PTCHD4: variants seen among roughly 807,000 people sequenced by gnomAD.
PTCHD4 encodes patched domain containing 4.
In PTCHD4, 33 loss-of-function variants were observed where a neutral mutation model predicts 58.1. The observed-to-expected ratio is 0.57, with a 90% confidence interval of 0.43 to 0.76. The LOEUF is 0.76. PTCHD4 is among the 30% of genes least tolerant of loss of function. The pLI is 0.00. For missense variants in PTCHD4, 1,058 were observed against 1,027.1 expected (o/e 1.03, Z -0.41); for synonymous variants, 478 against 409.6 (o/e 1.17, Z -2.02).
chr6:47,890,045 A>ATGTG (rs372236322), intron 4 of PTCHD4, among the ~76,000 whole-genome samples: 1 of 150,028 alleles, frequency 6.7e-6, no homozygotes, highest in African/African-American at 2.4e-5. Context: ...ATATATATAT[A>ATGTG]TGTGTGTGTG....
intron 4 of PTCHD4, among the ~76,000 whole-genome samples, chr6:47,943,987 A>T (rs1766328603): frequency 1.3e-5 from 2 of 152,218 alleles, no homozygotes; most frequent in South Asian, 4.1e-4. Flanking sequence ...TCCAGAAATG[A>T]TCAATCTTCA....
chr6:48,001,186 G>A (rs1768709627), intron 4 of PTCHD4, among the ~76,000 whole-genome samples: 1 of 152,128 alleles, frequency 6.6e-6, no homozygotes, highest in African/African-American at 2.4e-5. Flanking sequence ...ACTGCCCTAG[G>A]TAATTTATAG....
chr6:47,971,862 C>T (rs1767525306), intron 4 of PTCHD4, among the ~76,000 whole-genome samples: 1 of 151,980 alleles, frequency 6.6e-6, no homozygotes, highest in Admixed American at 6.6e-5. Flanking sequence ...GCTCAAGAGA[C>T]CAGAGGGCTC....
intron 3 of PTCHD4, among the ~76,000 whole-genome samples, chr6:48,021,364 G>T (rs1325447307): frequency 6.6e-6 from 1 of 151,954 alleles, no homozygotes; most frequent in Non-Finnish European, 1.5e-5. Context: ...TTGGCTAAAT[G>T]GTGTTTTCTT....
intron 3 of PTCHD4, among the ~76,000 whole-genome samples, chr6:48,023,494 A>G (rs1763137550): frequency 6.6e-6 from 1 of 152,190 alleles, no homozygotes; most frequent in South Asian, 2.1e-4. Context: ...CTAGCCCTGG[A>G]GAGCTTAACT....
intron 1 of PTCHD4, among the ~76,000 whole-genome samples, chr6:48,092,551 T>G (rs1346041021): frequency 6.6e-6 from 1 of 152,192 alleles, no homozygotes; most frequent in East Asian, 1.9e-4. Context: ...GATAGCTCAT[T>G]GACTACTCTC....
rs1470919717 is a variant in PTCHD4 at position 48,111,072 on chromosome 6, G to A, written c.-993C>T. On this transcript the variant is annotated 5_prime_UTR_variant, in exon 1 of 5. Coordinates refer to ENST00000339488, the MANE Select transcript of PTCHD4 (RefSeq NM_001384253.1). ...ACCTTCTGGCTTTCGGTTTGGATTG[G>A]CGCATGGAGGCAACAACAGAATTGG... Among the ~76,000 whole-genome samples the A allele has an allele frequency of 6.6e-6, 1 of 151,890 alleles. No homozygotes were observed. Among genetic ancestry groups the A allele is most frequent in the Non-Finnish European group, 1.5e-5 (1 of 67,980 alleles).
intron 4 of PTCHD4, among the ~76,000 whole-genome samples, chr6:47,945,834 T>C (rs768200615): frequency 6.5e-4 from 99 of 151,850 alleles, no homozygotes; most frequent in Non-Finnish European, 8.0e-4. Flanking sequence ...AAAGCTCTTG[T>C]AATCTTTTGT....
At chr6:47,916,585 C>G (rs894876211) in intron 4 of PTCHD4, among the ~76,000 whole-genome samples, 8 of 152,028 alleles carry the variant, frequency 5.3e-5, no homozygotes, top group African/African-American at 1.7e-4. Flanking sequence ...AAGTAGGCAG[C>G]CTTGAACCAA....
At chr6:47,966,373 G>A (rs1049960415) in intron 4 of PTCHD4, among the ~76,000 whole-genome samples, 2 of 152,202 alleles carry the variant, frequency 1.3e-5, no homozygotes, top group Non-Finnish European at 2.9e-5. Flanking sequence ...GGTAAAAAGT[G>A]CTAATGATTT....
At chr6:47,920,792 A>C (rs1194140743) in intron 4 of PTCHD4, among the ~76,000 whole-genome samples, 3 of 152,244 alleles carry the variant, frequency 2.0e-5, no homozygotes, top group Admixed American at 1.3e-4. Context: ...GGTTTAAAAA[A>C]GGTAAAATTC....
chr6:47,885,229 G>T (rs778359042), intron 4 of PTCHD4, among the ~76,000 whole-genome samples: 2 of 152,016 alleles, frequency 1.3e-5, no homozygotes, highest in Non-Finnish European at 2.9e-5. Context: ...GGAAAAACTG[G>T]GAGAAAAATT....
At chr6:48,050,463 A>G (rs1232749610) in intron 3 of PTCHD4, among the ~76,000 whole-genome samples, 1 of 152,008 alleles carries the variant, frequency 6.6e-6, no homozygotes, top group African/African-American at 2.4e-5. Context: ...TGCTTTAGGA[A>G]TGAGTAAGAA....
intron 4 of PTCHD4, chr6:47,890,967 G>C (rs559446317): frequency 1.6e-5 from 13 of 794,794 alleles, no homozygotes; most frequent in Admixed American, 6.3e-5. Context: ...CAGCACTTTG[G>C]GGGGCTGAGG....
intron 4 of PTCHD4, among the ~76,000 whole-genome samples, chr6:47,925,515 C>T (rs1765581321): frequency 2.0e-5 from 3 of 152,176 alleles, no homozygotes; most frequent in Admixed American, 1.3e-4. Flanking sequence ...GTGGCACCAA[C>T]TCATGCCATC....
rs192130127 is a variant in PTCHD4 at position 47,866,679 on chromosome 6, T to A, written c.*11624A>T. On this transcript the variant is annotated 3_prime_UTR_variant, in exon 5 of 5. Coordinates refer to ENST00000339488, the MANE Select transcript of PTCHD4 (RefSeq NM_001384253.1). ...AGTTTAAAATATATTCCTCCAAACA[T>A]CTTGTAATATGATTGCTGGTTTTGG... Among the ~76,000 whole-genome samples the A allele has an allele frequency of 2.0e-5, 3 of 151,916 alleles. No individual in the cohort carries two copies. Among genetic ancestry groups the A allele is most frequent in the East Asian group, 1.9e-4 (1 of 5,132 alleles).
chr6:47,995,565 G>A (rs1768455639), intron 4 of PTCHD4, among the ~76,000 whole-genome samples: 1 of 152,130 alleles, frequency 6.6e-6, no homozygotes, highest in African/African-American at 2.4e-5. Context: ...CCTTCGTTGA[G>A]AGTTTGGTTT....
At chr6:47,982,758 A>G (rs935763153) in intron 4 of PTCHD4, among the ~76,000 whole-genome samples, 1 of 152,148 alleles carries the variant, frequency 6.6e-6, no homozygotes, top group Admixed American at 6.5e-5. Flanking sequence ...AAGTGCTGGG[A>G]TTAAAGGCAT....
intron 4 of PTCHD4, among the ~76,000 whole-genome samples, chr6:47,972,170 C>T (rs1029630733): frequency 3.3e-5 from 5 of 152,078 alleles, no homozygotes; most frequent in Non-Finnish European, 5.9e-5. Flanking sequence ...GCTAAATCTT[C>T]GCAGTTCATT....
Sources: gnomAD v4.1 joint callset for allele counts (sites outside exome capture counted in the v4.1 genomes callset) on GRCh38, gnomAD v4.1.1 for gene constraint, MANE v1.5 for transcripts, NCBI Gene and HGNC (gene_info 2026-07-23, HGNC 2026-07-21) for gene names.